LPP: variants seen among roughly 807,000 people sequenced by gnomAD.
LPP encodes the protein lipoma-preferred partner.
In LPP, 38 loss-of-function variants were observed where a neutral mutation model predicts 60.4. The observed-to-expected ratio is 0.63, with a 90% CI of 0.49 to 0.83. LPP has a LOEUF of 0.83. Ranked by LOEUF, LPP falls within the 40% of genes least tolerant of loss-of-function variation. The pLI is 0.00. For missense variants in LPP, 902 were observed against 783.6 expected (o/e 1.15, Z -1.80); for synonymous variants, 328 against 290.8 (o/e 1.13, Z -1.30).
chr3:188,427,485 T>C (rs967602928), intron 4 of LPP, among the ~76,000 whole-genome samples: 2 of 152,172 alleles, frequency 1.3e-5, no homozygotes, highest in Non-Finnish European at 2.9e-5. Flanking sequence ...ATCTGACAAT[T>C]ATGTATCTTG....
intron 5 of LPP, among the ~76,000 whole-genome samples, chr3:188,495,874 CAT>C (rs754316301): frequency 1.3e-5 from 2 of 152,138 alleles, no homozygotes; most frequent in African/African-American, 2.4e-5. Flanking sequence ...GGCACTAACT[CAT>C]ATTTTATCTC....
intron 4 of LPP, among the ~76,000 whole-genome samples, chr3:188,458,774 G>A (rs1252042596): frequency 6.8e-6 from 1 of 148,002 alleles, no homozygotes; most frequent in Non-Finnish European, 1.5e-5. Flanking sequence ...TTGATCTTGT[G>A]CCTTTTGCAT....
In LPP at chr3:188,202,843, G is replaced by A. The variant is rs1731462351; in HGVS notation, c.-189-22562G>A. ...TGAAGTCTTTTCTTGGGAGGGAAAA[G>A]GATGTGTGGATATATGAGGTGACTC... On this transcript the variant is annotated intron_variant, in intron 1 of 11. Transcript: ENST00000617246. 2.0e-5 allele frequency among the ~76,000 whole-genome samples: 3 copies of A among 152,156 alleles called. No homozygotes were observed. In the South Asian group the frequency reaches 6.2e-4, roughly 32 times the overall value.
intron 9 of LPP, among the ~76,000 whole-genome samples, chr3:188,780,087 C>T (rs991480200): frequency 1.3e-5 from 2 of 152,108 alleles, no homozygotes; most frequent in Admixed American, 6.5e-5. Flanking sequence ...AACACCTATA[C>T]GTCAGTTAGC....
intron 5 of LPP, among the ~76,000 whole-genome samples, chr3:188,487,764 G>A (rs999980965): frequency 9.2e-5 from 14 of 152,260 alleles, no homozygotes; most frequent in African/African-American, 3.4e-4. Context: ...AAAATTCTGC[G>A]CAGTTTCCTC....
intron 1 of LPP, chr3:188,179,272 C>T (rs1724164073): frequency 2.2e-6 from 1 of 458,328 alleles, no homozygotes; most frequent in Non-Finnish European, 4.4e-6. Context: ...CCTGTCTTCG[C>T]AGCGGAGCTT....
At chr3:188,474,299 T>G (rs998082144) in intron 4 of LPP, among the ~76,000 whole-genome samples, 12 of 150,138 alleles carry the variant, frequency 8.0e-5, no homozygotes, top group African/African-American at 2.7e-4. Context: ...AACCAATAGT[T>G]ATCCAATTAA....
chr3:188,239,941 T>C (rs2149436845), intron 2 of LPP: 1 of 202,130 alleles, frequency 4.9e-6, no homozygotes, highest in African/African-American at 2.3e-5. Context: ...TCATTTGCAA[T>C]TTATTTTATC....
chr3:188,542,376 CACAT>C (rs1340996652), intron 6 of LPP, among the ~76,000 whole-genome samples: 1 of 152,168 alleles, frequency 6.6e-6, no homozygotes, highest in Non-Finnish European at 1.5e-5. Flanking sequence ...TTATGATAGG[CACAT>C]CCTTCTCTCT....
At chr3:188,348,530 T>C (rs1764998114) in intron 3 of LPP, among the ~76,000 whole-genome samples, 2 of 152,348 alleles carry the variant, frequency 1.3e-5, no homozygotes, top group South Asian at 4.1e-4. Context: ...TAATAATCCT[T>C]ATCACAGCCC....
At chr3:188,772,693 C>T (rs1736458870) in intron 9 of LPP, among the ~76,000 whole-genome samples, 1 of 151,852 alleles carries the variant, frequency 6.6e-6, no homozygotes, top group Admixed American at 6.6e-5. Flanking sequence ...CGGGGTTTCA[C>T]CGTGTTAGCC....
intron 6 of LPP, among the ~76,000 whole-genome samples, chr3:188,535,360 G>A (rs1348366228): frequency 1.3e-5 from 2 of 152,278 alleles, no homozygotes; most frequent in Middle Eastern, 3.4e-3. Flanking sequence ...AGAAATAATT[G>A]TGATGAGTAC....
At chr3:188,209,726 G>A (rs1355033595) in intron 1 of LPP, among the ~76,000 whole-genome samples, 1 of 152,180 alleles carries the variant, frequency 6.6e-6, no homozygotes. Flanking sequence ...CTGTGGGGTG[G>A]AGGTAGATGA....
intron 7 of LPP, among the ~76,000 whole-genome samples, chr3:188,615,652 T>A (rs1368254655): frequency 6.6e-6 from 1 of 152,188 alleles, no homozygotes; most frequent in Non-Finnish European, 1.5e-5. Context: ...GTTTAAGACA[T>A]TGTACAGCTC....
intron 2 of LPP, among the ~76,000 whole-genome samples, chr3:188,240,563 A>T (rs574304526): frequency 1.3e-5 from 2 of 152,300 alleles, no homozygotes; most frequent in Admixed American, 6.5e-5. Flanking sequence ...TGAGAGCTTT[A>T]TTCAAACTCA....
chr3:188,726,398 A>G (rs1367639244), intron 8 of LPP, among the ~76,000 whole-genome samples: 1 of 152,176 alleles, frequency 6.6e-6, no homozygotes, highest in Non-Finnish European at 1.5e-5. Context: ...CCATCAGTCC[A>G]CAGAGATCCT....
intron 1 of LPP, among the ~76,000 whole-genome samples, chr3:188,220,443 C>A (rs530293403): frequency 1.3e-5 from 2 of 152,266 alleles, no homozygotes; most frequent in East Asian, 3.9e-4. Flanking sequence ...CATATGGATA[C>A]TGCTACAAAG....
Position 188,872,900 on chromosome 3 carries a change from T to G in LPP, c.1710+137T>G, listed in dbSNP as rs1768516703. Reference sequence around the variant, plus strand: ...GTACTCATAGGACTTGGGTTTTAGATTTGACACTAGTATTCCGAGCACATG... The same window carrying G: ...GTACTCATAGGACTTGGGTTTTAGAGTTGACACTAGTATTCCGAGCACATG... On this transcript the variant is annotated intron_variant, in intron 11 of 11. Coordinates refer to ENST00000617246, the MANE Select transcript of LPP (RefSeq NM_001375462.1). 12 of 1,102,616 alleles carry G rather than the reference T, an allele frequency of 1.1e-5. No homozygotes were observed. The South Asian group carries it at 1.7e-4, about 16-fold the overall frequency. The allele number at this position is 1,102,616 out of a possible 1,614,324, so 68.3% of individuals were successfully genotyped here. A position where few individuals can be genotyped will look rare whatever the true frequency, so the allele number is the denominator to read the frequency against.
rs747139354 is a variant in LPP at position 188,363,905 on chromosome 3, C to CCA, written c.-10+22186_-10+22187insCA. Among the ~76,000 whole-genome samples, 235 of 96,940 alleles carry CCA rather than the reference C, an allele frequency of 2.4e-3. 3 individuals are homozygous for CCA. The highest frequency in any genetic ancestry group is 8.9e-3 in the African/African-American group (229 of 25,610). 63.6% of individuals were successfully genotyped at this position (96,940 alleles called of 152,430 possible). On this transcript the variant is annotated intron_variant, in intron 3 of 11. Transcript: ENST00000617246. The stretch of plus-strand genomic sequence containing the variant: ...GGACGAAAGAGTGAAAACTCCCTCC[C>CCA]AAAAAAAAAAAAAAAAAAAAAAATA...
Sources: gnomAD v4.1 joint callset for allele counts (sites outside exome capture counted in the v4.1 genomes callset) on GRCh38, gnomAD v4.1.1 for gene constraint, MANE v1.5 for transcripts, NCBI Gene and HGNC (gene_info 2026-07-23, HGNC 2026-07-21) for gene names.